Variants in IRAG2 observed in about 807,000 individuals in gnomAD.
IRAG2 encodes lymphoid restricted membrane protein.
A neutral mutation model predicts 69.9 loss-of-function variants in IRAG2; 45 were observed. That is an observed-to-expected ratio of 0.64 (90% CI 0.51 to 0.83). IRAG2 has a LOEUF of 0.83. IRAG2 is among the 40% of genes least tolerant of loss of function. The pLI is 0.00. For missense variants in IRAG2, 520 were observed against 587.0 expected (o/e 0.89, Z 1.18); for synonymous variants, 193 against 202.4 (o/e 0.95, Z 0.40).
intron 16 of IRAG2, among the ~76,000 whole-genome samples, chr12:25,043,585 A>G (rs1944767892): frequency 6.6e-6 from 1 of 151,886 alleles, no homozygotes; most frequent in African/African-American, 2.4e-5. Flanking sequence ...ATGCTGCCCA[A>G]AGAATTGGCT....
At chr12:25,077,220 A>AATATATATATGATATATATATGAAAT (rs10627418) in intron 6 of IRAG2, among the ~76,000 whole-genome samples, 1 of 36,712 alleles carries the variant, frequency 2.7e-5, no homozygotes, top group Non-Finnish European at 5.2e-5. Context: ...ATATATATGA[A>AATATATATATGATATATATATGAAAT]ATATATATGA....
At position 25,108,144 on chromosome 12, in the gene IRAG2, G is replaced by A; in HGVS notation, c.*84G>A. The stretch of plus-strand genomic sequence containing the variant: ...AAATTAGTAACTTTTAGCTGGGAAA[G>A]TATAGCATGAAACCAGAGGTTCTCA... On this transcript the variant is annotated 3_prime_UTR_variant, in exon 22 of 22. Transcript: ENST00000556887. 1 of 1,468,780 alleles carries A rather than the reference G, an allele frequency of 6.8e-7. No individual in the cohort carries two copies. The highest frequency in any genetic ancestry group is 9.2e-7 in the Non-Finnish European group (1 of 1,081,716). 91.0% of individuals were successfully genotyped at this position (1,468,780 alleles called of 1,614,324 possible).
chr12:25,022,276 T>G (rs77870599), intron 7 of IRAG2, among the ~76,000 whole-genome samples: 1 of 152,112 alleles, frequency 6.6e-6, no homozygotes, highest in South Asian at 2.1e-4. Context: ...GGTGGGTCAC[T>G]TGAGGTCAGG....
chr12:25,049,261 T>C (rs1944821348), upstream of IRAG2, among the ~76,000 whole-genome samples: 1 of 152,244 alleles, frequency 6.6e-6, no homozygotes, highest in Admixed American at 6.5e-5. Context: ...TTTTAAATAG[T>C]TTATTCTAAT....
intron 20 of IRAG2, among the ~76,000 whole-genome samples, chr12:25,106,658 T>C: frequency 7.0e-6 from 1 of 143,234 alleles, no homozygotes. Flanking sequence ...TTGTATATAC[T>C]TGGCTAATAT....
exon 15 of IRAG2, chr12:25,036,626 T>C: frequency 2.5e-6 from 1 of 398,956 alleles, no homozygotes. Context: ...TTGAAAACTC[T>C]CGACGGTGGG....
In IRAG2 at chr12:25,038,409, A is replaced by G. The variant is rs1944718995; in HGVS notation, c.2144+272A>G. 3.3e-5 allele frequency among the ~76,000 whole-genome samples: 5 copies of G among 152,222 alleles called. No individual in the cohort carries two copies. In the South Asian group the frequency reaches 8.3e-4, roughly 25 times the overall value. ...TGTAATCCCAGCACTTTGGGAGGCT[A>G]AGGTGGGCGAATCACCTGAGGTCAG... On this transcript the variant is annotated intron_variant, in intron 16 of 38. Coordinates refer to the IRAG2 transcript ENST00000636465.
chr12:25,097,107 C>T, intron 15 of IRAG2, 63 bp downstream of exon 15: 1 of 1,482,774 alleles, frequency 6.7e-7, no homozygotes, highest in Non-Finnish European at 9.1e-7. Flanking sequence ...TTTCCTGAGA[C>T]TATGGATTTC....
intron 15 of IRAG2, among the ~76,000 whole-genome samples, chr12:25,037,352 G>A (rs906108882): frequency 6.6e-6 from 1 of 152,114 alleles, no homozygotes; most frequent in Non-Finnish European, 1.5e-5. Flanking sequence ...AAGCTGGAGG[G>A]CAGTGGCGTG....
chr12:24,999,249 C>T, the IRAG2 span, among the ~76,000 whole-genome samples: 2 of 152,186 alleles, frequency 1.3e-5, no homozygotes, highest in African/African-American at 4.8e-5. Context: ...TTGAAGTCTG[C>T]AGTTACACTG....
intron 15 of IRAG2, among the ~76,000 whole-genome samples, chr12:25,097,904 T>C (rs770776029): frequency 6.6e-5 from 10 of 152,236 alleles, no homozygotes; most frequent in Admixed American, 3.3e-4. Flanking sequence ...TTCAATAACA[T>C]GCTCATGCTG....
chr12:25,088,232 A>G (rs955076898), intron 11 of IRAG2, 75 bp downstream of exon 11: 4 of 1,203,132 alleles, frequency 3.3e-6, no homozygotes, highest in Admixed American at 1.7e-5. Flanking sequence ...AATCTGTCTG[A>G]ATAAAGCTAT....
At chr12:25,049,692 T>C (rs1944824814), upstream of IRAG2, among the ~76,000 whole-genome samples, 1 of 152,100 alleles carries the variant, frequency 6.6e-6, no homozygotes, top group Admixed American at 6.6e-5. Flanking sequence ...GGATGGCTAT[T>C]ATTTTAAAAG....
At chr12:25,004,585 G>C in exon 1 of IRAG2, 1 of 1,232,098 alleles carries the variant, frequency 8.1e-7, no homozygotes, top group Non-Finnish European at 1.0e-6. Context: ...TTCTGAGGAA[G>C]TCGATGCCTT....
Position 25,106,963 on chromosome 12 carries a change from C to A in IRAG2, c.1169C>A (p.Pro390Gln). The A allele has an allele frequency of 6.3e-7, 1 of 1,593,788 alleles. No homozygotes were observed. The highest frequency in any genetic ancestry group is 8.6e-7 in the Non-Finnish European group (1 of 1,166,240). Residue 390 changes from proline to glutamine, a missense_variant, in exon 21 of 22, where the codon CCA (proline) becomes CAA (glutamine). Physicochemically the swap from Pro to Gln is moderately conservative, Grantham distance 76. Transcript: ENST00000556887. Reference protein sequence around the residue: ...CELKTKDDSEPSGEETVERTR... With the variant: ...CELKTKDDSEQSGEETVERTR... ...TACAGAACTAAAGATGACTCAGAGC[C>A]ATCTGGAGAAGAAACAGTAGAAAGG...
intron 6 of IRAG2, among the ~76,000 whole-genome samples, chr12:25,018,389 A>G (rs1203699846): frequency 6.6e-6 from 1 of 151,576 alleles, no homozygotes; most frequent in African/African-American, 2.4e-5. Flanking sequence ...GTGTTTTTGT[A>G]GAGACAAGGT....
chr12:25,046,115 AT>A (rs1944791154), intron 16 of IRAG2, among the ~76,000 whole-genome samples: 2 of 152,158 alleles, frequency 1.3e-5, no homozygotes, highest in African/African-American at 4.8e-5. Context: ...GAGCATAAAT[AT>A]TTTGTGATCA....
At chr12:25,063,219 C>T (rs371696448) in intron 3 of IRAG2, among the ~76,000 whole-genome samples, 28 of 152,146 alleles carry the variant, frequency 1.8e-4, no homozygotes, top group Admixed American at 1.6e-3. Flanking sequence ...TACACCACCA[C>T]GCCCGGCTAA....
intron 16 of IRAG2, 37 bp from the exon 17 acceptor site, chr12:25,102,161 T>C (rs1948792672): frequency 1.9e-6 from 3 of 1,573,320 alleles, no homozygotes. Context: ...ATGGCATGTG[T>C]AATAGCTAAA....
Sources: gnomAD v4.1 joint callset for allele counts (sites outside exome capture counted in the v4.1 genomes callset) on GRCh38, gnomAD v4.1.1 for gene constraint, MANE v1.5 for transcripts, NCBI Gene and HGNC (gene_info 2026-07-23, HGNC 2026-07-21) for gene names.